COL4A2: variants seen among roughly 807,000 people sequenced by gnomAD.
The protein encoded by COL4A2 is collagen alpha-2(IV) chain.
In COL4A2, 99 loss-of-function variants were observed where a neutral mutation model predicts 200.2. That is an observed-to-expected ratio of 0.49 (90% CI 0.42 to 0.58). COL4A2 has a LOEUF of 0.58. COL4A2 is among the 20% of genes least tolerant of loss of function. The pLI, the probability that COL4A2 is intolerant of heterozygous loss-of-function variation, is 0.00. For synonymous variants in COL4A2, 897 were observed against 900.6 expected (o/e 1.00, Z 0.07); for missense variants, 1,950 against 2,314.1 (o/e 0.84, Z 3.23).
chr13:110,456,558 A>T (rs1338021200), intron 20 of COL4A2: 10 of 353,830 alleles, frequency 2.8e-5, no homozygotes, highest in Non-Finnish European at 5.0e-5. Flanking sequence ...CTAAATTTGC[A>T]GACTCTTATA....
At chr13:110,360,406 A>G (rs1349463232) in intron 4 of COL4A2, among the ~76,000 whole-genome samples, 1 of 152,202 alleles carries the variant, frequency 6.6e-6, no homozygotes, top group Non-Finnish European at 1.5e-5. Context: ...TAGCTAGTTC[A>G]GATTATTTCA....
intron 34 of COL4A2, among the ~76,000 whole-genome samples, chr13:110,488,587 T>C (rs961557558): frequency 3.9e-5 from 6 of 152,168 alleles, no homozygotes; most frequent in African/African-American, 1.4e-4. Context: ...CATATCTGTG[T>C]TATAATCTGC....
chr13:110,456,048 C>T (rs1333150175), intron 20 of COL4A2, among the ~76,000 whole-genome samples: 1 of 152,352 alleles, frequency 6.6e-6, no homozygotes. Flanking sequence ...GACACACACC[C>T]TCCTCCTGCC....
intron 20 of COL4A2, among the ~76,000 whole-genome samples, chr13:110,455,215 G>GC (rs1881680771): frequency 6.6e-6 from 1 of 152,032 alleles, no homozygotes; most frequent in African/African-American, 2.4e-5. Context: ...GCTTCCTACT[G>GC]CCCTCGGGGT....
At chr13:110,344,273 A>G (rs528658257) in intron 3 of COL4A2, among the ~76,000 whole-genome samples, 84 of 152,336 alleles carry the variant, frequency 5.5e-4, no homozygotes, top group Middle Eastern at 3.4e-3. Flanking sequence ...GTTCTTCTCA[A>G]CACGGAGACA....
At chr13:110,375,877 T>C (rs1488833912) in intron 4 of COL4A2, among the ~76,000 whole-genome samples, 2 of 152,200 alleles carry the variant, frequency 1.3e-5, no homozygotes, top group African/African-American at 4.8e-5. Flanking sequence ...ATGCTACATC[T>C]TTATACAGGA....
chr13:110,444,878 T>A (rs747390246), intron 16 of COL4A2, among the ~76,000 whole-genome samples: 2 of 152,156 alleles, frequency 1.3e-5, no homozygotes, highest in Non-Finnish European at 2.9e-5. Context: ...TGAAACAGGG[T>A]CTTGCTGTGT....
At chr13:110,410,979 C>T (rs1453304262) in intron 4 of COL4A2, among the ~76,000 whole-genome samples, 2 of 152,174 alleles carry the variant, frequency 1.3e-5, no homozygotes, top group South Asian at 4.2e-4. Context: ...AAATGGCCAC[C>T]ATTCTGCCCT....
intron 3 of COL4A2, among the ~76,000 whole-genome samples, chr13:110,350,828 A>G (rs1392072910): frequency 6.6e-6 from 1 of 152,282 alleles, no homozygotes; most frequent in East Asian, 1.9e-4. Context: ...CACACTTGCC[A>G]TGGCGGGGGC....
At chr13:110,442,876 A>ATAATTTTGAAAT (rs11273446) in intron 16 of COL4A2, among the ~76,000 whole-genome samples, 3 of 152,130 alleles carry the variant, frequency 2.0e-5, no homozygotes, top group Admixed American at 6.5e-5. Flanking sequence ...GAGTTATTTT[A>ATAATTTTGAAAT]AAAAGTGTTC....
rs563139181 is a variant in COL4A2, at chr13:110,427,532, G to A, written c.361-935G>A. The stretch of plus-strand genomic sequence containing the variant: ...TCCCAATGCTCTCAAAAATCACTCT[G>A]GAATATATGTTTGGTTTATTATCAA... On this transcript the variant is annotated intron_variant, in intron 6 of 47. Transcript: ENST00000360467. Among the ~76,000 whole-genome samples, 44 of 152,228 alleles carry A rather than the reference G, an allele frequency of 2.9e-4. No individual in the cohort carries two copies. In the Middle Eastern group the frequency reaches 0.01, roughly 35 times the overall value.
chr13:110,467,334 A>C (rs1458415459), intron 27 of COL4A2, among the ~76,000 whole-genome samples: 1 of 152,238 alleles, frequency 6.6e-6, no homozygotes, highest in African/African-American at 2.4e-5. Flanking sequence ...GAGAAAATTC[A>C]GCCATGGCTG....
intron 4 of COL4A2, among the ~76,000 whole-genome samples, chr13:110,378,366 G>T (rs1326089702): frequency 6.6e-6 from 1 of 152,234 alleles, no homozygotes; most frequent in African/African-American, 2.4e-5. Context: ...GAGAATTGTA[G>T]ATATAGGAAG....
intron 3 of COL4A2, among the ~76,000 whole-genome samples, chr13:110,308,820 T>C (rs752310158): frequency 1.2e-4 from 18 of 152,188 alleles, no homozygotes; most frequent in Non-Finnish European, 2.4e-4. Context: ...TTTATACGTT[T>C]TGTTTAAAGA....
At chr13:110,475,181 C>T (rs1002878970) in intron 29 of COL4A2, among the ~76,000 whole-genome samples, 1 of 152,246 alleles carries the variant, frequency 6.6e-6, no homozygotes, top group African/African-American at 2.4e-5. Flanking sequence ...GCCTCGTGCT[C>T]GGCCATCCAG....
intron 3 of COL4A2, among the ~76,000 whole-genome samples, chr13:110,335,543 T>A (rs771944529): frequency 3.3e-5 from 5 of 152,204 alleles, no homozygotes; most frequent in East Asian, 3.8e-4. Context: ...CTGTGAGTCC[T>A]TTAAACCCCT....
chr13:110,374,165 C>T (rs956485017), intron 4 of COL4A2, among the ~76,000 whole-genome samples: 17 of 152,176 alleles, frequency 1.1e-4, no homozygotes, highest in African/African-American at 3.9e-4. Context: ...TGACAGCTTA[C>T]GGTGGTCCCG....
intron 4 of COL4A2, among the ~76,000 whole-genome samples, chr13:110,406,977 T>C (rs1459372421): frequency 6.6e-6 from 1 of 152,156 alleles, no homozygotes; most frequent in Non-Finnish European, 1.5e-5. Flanking sequence ...CTCCTGGGGC[T>C]CATCCTGCAA....
In COL4A2 at chr13:110,501,660, A is replaced by T. The variant is rs768297706; in HGVS notation, c.3761-8A>T. The T allele has an allele frequency of 6.2e-7, 1 of 1,608,670 alleles. No individual in the cohort carries two copies. Among genetic ancestry groups the T allele is most frequent in the East Asian group, 2.2e-5 (1 of 44,864 alleles). ...GCTGAAAATAATTTCTTCTGTTTTCATCCTAAGGGGAACGAGGCCCACCTG... is the reference window on the plus strand; with the variant it reads ...GCTGAAAATAATTTCTTCTGTTTTCTTCCTAAGGGGAACGAGGCCCACCTG... On this transcript the variant is annotated splice_polypyrimidine_tract_variant and splice_region_variant and intron_variant, in intron 40 of 47. Transcript: ENST00000360467.
Sources: allele counts gnomAD v4.1 joint callset (sites outside exome capture counted in the v4.1 genomes callset), GRCh38; gene constraint gnomAD v4.1.1; transcripts MANE v1.5; gene names NCBI Gene and HGNC (gene_info 2026-07-23, HGNC 2026-07-21).